Variants in CYP2C19 observed in about 807,000 individuals in gnomAD.
CYP2C19 encodes the protein cytochrome P450 2C19.
In CYP2C19, 59 loss-of-function variants were observed where a neutral mutation model predicts 40.9. The observed-to-expected ratio is 1.44, with a 90% CI of 1.17 to 1.79. CYP2C19 has a LOEUF of 1.79. Ranked by LOEUF, CYP2C19 falls within the 40% of genes most tolerant of loss-of-function variation. CYP2C19 has a pLI of 0.00. For synonymous variants in CYP2C19, 253 were observed against 208.7 expected (o/e 1.21, Z -1.83); for missense variants, 754 against 596.9 (o/e 1.26, Z -2.74).
At chr10:94,816,726 C>A (rs1269717560) in intron 5 of CYP2C19, among the ~76,000 whole-genome samples, 1 of 122,302 alleles carries the variant, frequency 8.2e-6, no homozygotes, top group Non-Finnish European at 1.7e-5. Flanking sequence ...TATCCCTCCC[C>A]CCTCCCCCCA....
At chr10:94,851,339 C>T (rs1356318095) in intron 8 of CYP2C19, among the ~76,000 whole-genome samples, 1 of 151,736 alleles carries the variant, frequency 6.6e-6, no homozygotes, top group Non-Finnish European at 1.5e-5. Flanking sequence ...AGAAATCATC[C>T]CCTATGATGC....
At position 94,822,504 on chromosome 10, in the gene CYP2C19, T is replaced by A. The variant is rs1589367861; in HGVS notation, c.961+1867T>A. ...GGGCACTTAAGTTGATTCCATTTTTTTGCTATTGTGAATAGCACTACAGTG... is the reference window on the plus strand; with the variant it reads ...GGGCACTTAAGTTGATTCCATTTTTATGCTATTGTGAATAGCACTACAGTG... On this transcript the variant is annotated intron_variant, in intron 6 of 8. Coordinates refer to ENST00000371321, the MANE Select transcript of CYP2C19 (RefSeq NM_000769.4). 2.0e-5 allele frequency among the ~76,000 whole-genome samples: 3 copies of A among 152,330 alleles called. No individual in the cohort carries two copies. In the East Asian group the frequency reaches 5.8e-4, roughly 29 times the overall value.
rs541968255 is a variant in CYP2C19, at chr10:94,810,483, T to C, written c.820-10013T>C. On this transcript the variant is annotated intron_variant, in intron 5 of 8. Transcript: ENST00000371321. ...TGGTACCAGCTCCTCTTTGTACCTC[T>C]GGTAGAATTCGGCTGTGAATCCTTC... 3.5e-4 allele frequency among the ~76,000 whole-genome samples: 54 copies of C among 152,322 alleles called. 2 individuals carry two copies. In the South Asian group the frequency reaches 0.011, roughly 32 times the overall value.
At chr10:94,767,105 C>A (rs989330004) in intron 1 of CYP2C19, among the ~76,000 whole-genome samples, 2 of 152,162 alleles carry the variant, frequency 1.3e-5, no homozygotes, top group African/African-American at 4.8e-5. Flanking sequence ...ATCCATACAG[C>A]ATTTCATTTG....
chr10:94,778,096 G>T (rs1315653787), intron 3 of CYP2C19, among the ~76,000 whole-genome samples: 1 of 152,126 alleles, frequency 6.6e-6, no homozygotes, highest in Admixed American at 6.5e-5. Flanking sequence ...GTGTAGCCTC[G>T]AGAAGCTGGA....
In CYP2C19 at chr10:94,789,519, G is replaced by A. The variant is rs181629683; in HGVS notation, c.819+7522G>A. On this transcript the variant is annotated intron_variant, in intron 5 of 8. Coordinates refer to ENST00000371321, the MANE Select transcript of CYP2C19 (RefSeq NM_000769.4). Reference sequence around the variant, plus strand: ...TTTAATCCATCTTGAATTAATTTTTGTATAACTTGTAAGAAAGGGATCCAG... The same window carrying A: ...TTTAATCCATCTTGAATTAATTTTTATATAACTTGTAAGAAAGGGATCCAG... Among the ~76,000 whole-genome samples, 473 of 152,116 alleles carry A rather than the reference G, an allele frequency of 3.1e-3. 3 individuals are homozygous for A. Among genetic ancestry groups the A allele is most frequent in the African/African-American group, 0.011 (450 of 41,520 alleles).
intron 5 of CYP2C19, among the ~76,000 whole-genome samples, chr10:94,806,468 C>A (rs918884248): frequency 6.6e-6 from 1 of 151,944 alleles, no homozygotes; most frequent in Non-Finnish European, 1.5e-5. Flanking sequence ...AATTCTCGAA[C>A]GTCTTAATGT....
intron 5 of CYP2C19, among the ~76,000 whole-genome samples, chr10:94,815,851 A>T (rs1332295700): frequency 6.6e-6 from 1 of 152,172 alleles, no homozygotes; most frequent in Non-Finnish European, 1.5e-5. Flanking sequence ...CTTTATAATG[A>T]ATCTGCAGGC....
intron 5 of CYP2C19, among the ~76,000 whole-genome samples, chr10:94,797,631 TG>T (rs566230203): frequency 6.4e-4 from 98 of 152,210 alleles, no homozygotes; most frequent in African/African-American, 2.3e-3. Context: ...ACTTTTTTTT[TG>T]GTTGGTAGGC....
At chr10:94,817,177 T>G (rs1849019382) in intron 5 of CYP2C19, among the ~76,000 whole-genome samples, 1 of 146,962 alleles carries the variant, frequency 6.8e-6, no homozygotes, top group Admixed American at 6.8e-5. Context: ...ATGGTTGAAC[T>G]AGTTTACAGT....
chr10:94,776,672 T>G (rs1252905986), intron 3 of CYP2C19, among the ~76,000 whole-genome samples: 1 of 152,160 alleles, frequency 6.6e-6, no homozygotes, highest in Non-Finnish European at 1.5e-5. Flanking sequence ...GAGCTATTTA[T>G]GAAAAACCCA....
intron 5 of CYP2C19, among the ~76,000 whole-genome samples, chr10:94,807,967 C>A (rs1461326855): frequency 6.6e-6 from 1 of 152,072 alleles, no homozygotes; most frequent in Non-Finnish European, 1.5e-5. Context: ...TACTCTGAAG[C>A]ATTTCTCCTG....
intron 5 of CYP2C19, among the ~76,000 whole-genome samples, chr10:94,783,138 G>A (rs941104230): frequency 6.6e-5 from 10 of 151,928 alleles, no homozygotes; most frequent in African/African-American, 2.4e-4. Context: ...ATCTACCCAA[G>A]GGGAAACAAA....
intron 1 of CYP2C19, among the ~76,000 whole-genome samples, chr10:94,770,240 C>A (rs935898234): frequency 1.3e-5 from 2 of 152,152 alleles, no homozygotes; most frequent in Non-Finnish European, 1.5e-5. Context: ...GGGCTTCTGG[C>A]CCAGAGAACC....
chr10:94,847,927 TG>T (rs1229909763), intron 7 of CYP2C19, among the ~76,000 whole-genome samples: 13 of 152,332 alleles, frequency 8.5e-5, no homozygotes, highest in African/African-American at 2.9e-4. Flanking sequence ...TGCGGTTGTT[TG>T]TTTTTTTCTT....
At chr10:94,839,692 C>A (rs1277048310) in intron 6 of CYP2C19, among the ~76,000 whole-genome samples, 2 of 152,130 alleles carry the variant, frequency 1.3e-5, no homozygotes, top group South Asian at 4.1e-4. Flanking sequence ...TTGAGGAGAC[C>A]AATTATTAGG....
At chr10:94,768,774 G>A (rs116992754) in intron 1 of CYP2C19, among the ~76,000 whole-genome samples, 1 of 152,128 alleles carries the variant, frequency 6.6e-6, no homozygotes, top group Non-Finnish European at 1.5e-5. Flanking sequence ...ACGAGTCTGA[G>A]TAAGGACTCC....
chr10:94,802,920 C>G (rs1848786455), intron 5 of CYP2C19, among the ~76,000 whole-genome samples: 1 of 152,196 alleles, frequency 6.6e-6, no homozygotes, highest in African/African-American at 2.4e-5. Context: ...GGCCCTCACT[C>G]TCTTCTCGCT....
chr10:94,779,093 T>C (rs1009073657), intron 3 of CYP2C19, among the ~76,000 whole-genome samples: 1 of 151,734 alleles, frequency 6.6e-6, no homozygotes, highest in African/African-American at 2.4e-5. Context: ...AAGGGTAACA[T>C]CACACACCAG....
Sources: allele counts gnomAD v4.1 joint callset (sites outside exome capture counted in the v4.1 genomes callset), GRCh38; gene constraint gnomAD v4.1.1; transcripts MANE v1.5; gene names NCBI Gene and HGNC (gene_info 2026-07-23, HGNC 2026-07-21).